Variants in HYDIN observed in about 807,000 individuals in gnomAD.
The protein encoded by HYDIN is axonemal central pair apparatus protein HYDIN.
HYDIN carries 132 observed loss-of-function variants against 403.9 expected under a neutral mutation model. That is an observed-to-expected ratio of 0.33 (90% CI 0.28 to 0.38). The LOEUF is 0.38. Among genes scored for constraint, HYDIN ranks in the 10% least tolerant of loss-of-function variants. HYDIN has a pLI of 1.00. For missense variants in HYDIN, 2,827 were observed against 5,009.5 expected, an observed-to-expected ratio of 0.56 and a Z score of 13.15; for synonymous variants, 1,202 against 1,891.7, an observed-to-expected ratio of 0.64 and a Z score of 9.46.
intron 64 of HYDIN, among the ~76,000 whole-genome samples, chr16:70,872,641 G>C (rs1447723419): frequency 3.1e-4 from 15 of 48,840 alleles, no homozygotes; most frequent in Admixed American, 8.2e-4. Flanking sequence ...ATCCACCCTC[G>C]CATCCATCCA....
chr16:71,133,700 C>A (rs1353775557), intron 8 of HYDIN, among the ~76,000 whole-genome samples: 1 of 152,126 alleles, frequency 6.6e-6, no homozygotes, highest in Non-Finnish European at 1.5e-5. Flanking sequence ...CATGCCAAGT[C>A]TCTGAATACA....
chr16:70,863,346 T>C (rs2039528087), intron 67 of HYDIN, among the ~76,000 whole-genome samples, 164 bp from the exon 68 acceptor site: 1 of 152,166 alleles, frequency 6.6e-6, no homozygotes, highest in Non-Finnish European at 1.5e-5. Flanking sequence ...AAATCATGCA[T>C]ATGATATACT....
At position 70,908,771 on chromosome 16, in the gene HYDIN, G is replaced by A. The variant is rs760234450; in HGVS notation, c.8095C>T (p.Arg2699Cys). 19 of 1,614,196 alleles carry A rather than the reference G, an allele frequency of 1.2e-5. No individual in the cohort carries two copies. Among genetic ancestry groups the A allele is most frequent in the Middle Eastern group, 1.6e-4 (1 of 6,062 alleles). The change falls in exon 48 of 86, where the codon CGT becomes TGT. Residue 2699 changes from arginine (R) to cysteine (C), a missense_variant. By Grantham distance (180) the Arg-to-Cys change is radical. Coordinates refer to ENST00000393567, the MANE Select transcript of HYDIN (RefSeq NM_001270974.2). The part of the protein sequence containing the change: ...DQVFEIQKDK[R>C]HMALNRKVLS... ...ACCTTCCTGTTTAAGGCCATGTGACGCTTGTCTTTCTGAATCTCGAAGACT... is the reference window on the plus strand; with the variant it reads ...ACCTTCCTGTTTAAGGCCATGTGACACTTGTCTTTCTGAATCTCGAAGACT...
In HYDIN at chr16:71,064,918, T is replaced by A. The variant is rs2082208717; in HGVS notation, c.2076-78A>T. 1.4e-5 allele frequency: 21 copies of A among 1,530,320 alleles called. No individual in the cohort carries two copies. The South Asian group carries it at 2.4e-4, about 18-fold the overall frequency. 94.8% of individuals were successfully genotyped at this position (1,530,320 alleles called of 1,614,324 possible). On this transcript the variant is annotated intron_variant, in intron 15 of 85. Transcript: ENST00000393567. ...AGAAAACGCAGAGCCCCAAGCGAGA[T>A]ACATTTGTCAGTGTCACATAGTAGT...
At chr16:70,861,392 C>T (rs2039407581) in intron 69 of HYDIN, among the ~76,000 whole-genome samples, 1 of 152,142 alleles carries the variant, frequency 6.6e-6, no homozygotes, top group African/African-American at 2.4e-5. Flanking sequence ...TAGGTCTCTG[C>T]CACCCTAGGC....
At chr16:71,115,850 T>C (rs1348277880) in intron 9 of HYDIN, 55 bp from the exon 10 acceptor site, 3 of 802,078 alleles carry the variant, frequency 3.7e-6, no homozygotes, top group Non-Finnish European at 4.2e-6. Flanking sequence ...AAGACACTGC[T>C]TGTAAGTGTT....
At chr16:71,213,461 T>C (rs2088701157) in intron 1 of HYDIN, among the ~76,000 whole-genome samples, 1 of 152,190 alleles carries the variant, frequency 6.6e-6, no homozygotes, top group East Asian at 1.9e-4. Flanking sequence ...AGGACAGTTT[T>C]TATTAACTTA....
At chr16:70,921,912 T>C (rs2077006275) in intron 45 of HYDIN, among the ~76,000 whole-genome samples, 1 of 152,228 alleles carries the variant, frequency 6.6e-6, no homozygotes, top group Non-Finnish European at 1.5e-5. Context: ...TACTGCACTT[T>C]TAAACTTGTT....
At chr16:70,838,748 T>A (rs1462789499) in intron 76 of HYDIN, among the ~76,000 whole-genome samples, 6 of 151,684 alleles carry the variant, frequency 4.0e-5, no homozygotes, top group Non-Finnish European at 5.9e-5. Flanking sequence ...TTCTTAGGGC[T>A]GTTGTGAGGA....
At chr16:71,081,165 G>C (rs3920226) in intron 12 of HYDIN, among the ~76,000 whole-genome samples, 2 of 151,386 alleles carry the variant, frequency 1.3e-5, no homozygotes, top group African/African-American at 4.9e-5. Flanking sequence ...CAGTTATCTT[G>C]TTTACCTTCA....
intron 18 of HYDIN, among the ~76,000 whole-genome samples, chr16:71,051,366 G>C (rs1297921480): frequency 9.9e-5 from 15 of 151,758 alleles, no homozygotes; most frequent in Admixed American, 5.9e-4. Context: ...GAAACATTTG[G>C]CCGGGCGCAG....
At chr16:71,073,049 G>GT (rs2082518420) in intron 13 of HYDIN, among the ~76,000 whole-genome samples, 2 of 152,146 alleles carry the variant, frequency 1.3e-5, no homozygotes, top group Admixed American at 6.5e-5. Context: ...TTAAGTAGAG[G>GT]TTTTCTAAAA....
chr16:71,183,426 AAAAAT>A (rs962460153), intron 3 of HYDIN, among the ~76,000 whole-genome samples: 28 of 152,260 alleles, frequency 1.8e-4, no homozygotes, highest in African/African-American at 6.5e-4. Flanking sequence ...AAAACTTTCT[AAAAAT>A]AAAATAAAGG....
At chr16:70,901,244 T>C (rs1414732562) in intron 52 of HYDIN, 42 bp from the exon 53 acceptor site, 1 of 1,423,714 alleles carries the variant, frequency 7.0e-7, no homozygotes, top group Non-Finnish European at 9.8e-7. Flanking sequence ...TTTCAAATTT[T>C]GTAGTTTCAT....
intron 1 of HYDIN, among the ~76,000 whole-genome samples, chr16:71,204,596 G>T (rs963004690): frequency 2.6e-5 from 4 of 152,162 alleles, no homozygotes; most frequent in Non-Finnish European, 5.9e-5. Flanking sequence ...CATATTGGAT[G>T]GGTGTCATAA....
chr16:71,001,971 C>G (rs923135800), intron 23 of HYDIN, among the ~76,000 whole-genome samples: 2 of 152,224 alleles, frequency 1.3e-5, no homozygotes, highest in African/African-American at 4.8e-5. Flanking sequence ...GGTGGAACAT[C>G]TTTTTATTCT....
chr16:70,922,982 G>T (rs2077041522), intron 45 of HYDIN, among the ~76,000 whole-genome samples: 1 of 151,732 alleles, frequency 6.6e-6, no homozygotes, highest in African/African-American at 2.4e-5. Context: ...TGCCCAGGCT[G>T]GTCTTGAACC....
At chr16:71,143,669 A>G (rs1261374250) in intron 7 of HYDIN, among the ~76,000 whole-genome samples, 1 of 152,244 alleles carries the variant, frequency 6.6e-6, no homozygotes, top group Non-Finnish European at 1.5e-5. Flanking sequence ...CACCATTGAA[A>G]CAAAGTTGAT....
chr16:71,107,152 T>C (rs1289315194), intron 10 of HYDIN, among the ~76,000 whole-genome samples: 2 of 101,460 alleles, frequency 2.0e-5, no homozygotes, highest in African/African-American at 7.6e-5. Context: ...CTGGGGCCTG[T>C]TGTGGGGTGG....
Sources: allele counts gnomAD v4.1 joint callset (sites outside exome capture counted in the v4.1 genomes callset), GRCh38; gene constraint gnomAD v4.1.1; transcripts MANE v1.5; gene names NCBI Gene and HGNC (gene_info 2026-07-23, HGNC 2026-07-21).